The following TENM3 variants were observed in gnomAD, a reference collection of about 807,000 sequenced individuals.
TENM3 encodes teneurin-3.
A neutral mutation model predicts 255.1 loss-of-function variants in TENM3; 63 were observed. The ratio of observed to expected loss-of-function variants is 0.25; its 90% confidence interval spans 0.20 to 0.30. The LOEUF is 0.30. Among genes scored for constraint, TENM3 ranks in the 10% least tolerant of loss-of-function variants. The pLI, the probability that TENM3 is intolerant of heterozygous loss-of-function variation, is 1.00. For missense variants in TENM3, 2,929 were observed against 3,461.1 expected (o/e 0.85, Z 3.86); for synonymous variants, 1,306 against 1,322.3 (o/e 0.99, Z 0.27).
intron 3 of TENM3, among the ~76,000 whole-genome samples, chr4:182,421,905 C>T (rs770087314): frequency 6.6e-6 from 1 of 152,090 alleles, no homozygotes; most frequent in Admixed American, 6.5e-5. Flanking sequence ...GCTCATCATT[C>T]GGGATGACCA....
At chr4:182,000,499 G>T in the TENM3 span, among the ~76,000 whole-genome samples, 4,301 of 152,154 alleles carry the variant, frequency 0.028, 172 homozygotes, top group African/African-American at 0.098. Flanking sequence ...TTATAGGATG[G>T]TCTCTACTTA....
the TENM3 span, among the ~76,000 whole-genome samples, chr4:181,574,537 C>CAA: frequency 2.4e-5 from 2 of 81,960 alleles, no homozygotes; most frequent in Non-Finnish European, 2.5e-5. Context: ...GACTCCGTCT[C>CAA]AAAAAAAAAA....
the TENM3 span, among the ~76,000 whole-genome samples, chr4:182,062,698 C>T: frequency 6.6e-6 from 1 of 152,188 alleles, no homozygotes; most frequent in Admixed American, 6.5e-5. Context: ...TAGACACATT[C>T]TCAGATTAAC....
chr4:181,895,290 G>A, the TENM3 span, among the ~76,000 whole-genome samples: 3 of 151,692 alleles, frequency 2.0e-5, no homozygotes, highest in Non-Finnish European at 4.4e-5. Flanking sequence ...TAGTATTTTC[G>A]CAAATTTAAA....
At chr4:181,927,689 C>T in the TENM3 span, among the ~76,000 whole-genome samples, 2 of 152,324 alleles carry the variant, frequency 1.3e-5, no homozygotes, top group South Asian at 2.1e-4. Flanking sequence ...GACAGACTGA[C>T]TCCTCAAGTG....
the TENM3 span, among the ~76,000 whole-genome samples, chr4:181,856,799 G>A: frequency 1.3e-5 from 2 of 152,118 alleles, no homozygotes; most frequent in Non-Finnish European, 2.9e-5. Context: ...CACACCAGAG[G>A]AGGTCGGCAC....
chr4:182,534,532 G>T (rs540604533), intron 3 of TENM3, among the ~76,000 whole-genome samples: 1 of 152,184 alleles, frequency 6.6e-6, no homozygotes, highest in Non-Finnish European at 1.5e-5. Flanking sequence ...AGTAATGTGT[G>T]TGTACACAGT....
the TENM3 span, among the ~76,000 whole-genome samples, chr4:181,930,938 A>G: frequency 6.6e-6 from 1 of 152,238 alleles, no homozygotes; most frequent in East Asian, 1.9e-4. Context: ...CAATAGATGC[A>G]GAAAAGGCCT....
the TENM3 span, among the ~76,000 whole-genome samples, chr4:181,931,962 A>G: frequency 1.1e-3 from 170 of 152,372 alleles, no homozygotes; most frequent in African/African-American, 3.9e-3. Flanking sequence ...CTGGCTAGCC[A>G]TATGCAGAAA....
At chr4:182,729,557 A>C (rs1274965623) in intron 14 of TENM3, among the ~76,000 whole-genome samples, 5 of 152,196 alleles carry the variant, frequency 3.3e-5, no homozygotes, top group African/African-American at 1.2e-4. Flanking sequence ...ATTATGAATG[A>C]ATGTAATGGA....
chr4:182,555,611 A>G (rs1304012767), intron 3 of TENM3, among the ~76,000 whole-genome samples: 4 of 152,190 alleles, frequency 2.6e-5, no homozygotes, highest in African/African-American at 9.7e-5. Context: ...GCTATTAACT[A>G]AACAGCCTTA....
the TENM3 span, among the ~76,000 whole-genome samples, chr4:181,817,777 C>T: frequency 3.3e-5 from 5 of 152,154 alleles, no homozygotes; most frequent in African/African-American, 7.2e-5. Context: ...CTTCACCAGA[C>T]GCCAACCTGC....
chr4:182,465,178 A>G (rs1732467378), intron 3 of TENM3, among the ~76,000 whole-genome samples: 1 of 152,240 alleles, frequency 6.6e-6, no homozygotes, highest in African/African-American at 2.4e-5. Context: ...GCACAGTAAA[A>G]TAAATATTTG....
chr4:181,557,382 A>G, the TENM3 span, among the ~76,000 whole-genome samples: 2 of 152,162 alleles, frequency 1.3e-5, no homozygotes, highest in African/African-American at 4.8e-5. Flanking sequence ...AAAGTAATAG[A>G]TCCCTTTTCA....
rs1732085559 is a variant in TENM3 at position 182,462,271 on chromosome 4, C to T, written c.511+115342C>T. 2.0e-5 allele frequency among the ~76,000 whole-genome samples: 3 copies of T among 151,972 alleles called. No homozygotes were observed. The South Asian group carries it at 6.2e-4, about 32-fold the overall frequency. On this transcript the variant is annotated intron_variant, in intron 3 of 27. Transcript: ENST00000511685. ...CTGAGTCTCGCTACGTTGCCCAAGG[C>T]TGGTCTCAAACTCCTGGGCTCAAAC...
the TENM3 span, among the ~76,000 whole-genome samples, chr4:182,019,015 C>T: frequency 3.3e-5 from 5 of 152,180 alleles, no homozygotes; most frequent in African/African-American, 1.2e-4. Flanking sequence ...GAAGTTGTAT[C>T]TCAGCAAGGT....
the TENM3 span, among the ~76,000 whole-genome samples, chr4:181,581,385 G>C: frequency 3.3e-5 from 5 of 152,204 alleles, no homozygotes; most frequent in African/African-American, 9.6e-5. Context: ...AGCTTGCAGT[G>C]AGCCGAGATA....
At chr4:181,844,676 AAAAT>A in the TENM3 span, among the ~76,000 whole-genome samples, 6 of 149,300 alleles carry the variant, frequency 4.0e-5, no homozygotes, top group South Asian at 2.1e-4. Context: ...TCAAAAAAAT[AAAAT>A]AAAATAAAAT....
intron 19 of TENM3, among the ~76,000 whole-genome samples, chr4:182,749,592 C>T (rs766382389): frequency 1.2e-4 from 19 of 152,322 alleles, no homozygotes; most frequent in South Asian, 4.1e-4. Context: ...ATCCTCCCAG[C>T]ATCCTGTGAA....
Sources: gnomAD v4.1 joint callset for allele counts (sites outside exome capture counted in the v4.1 genomes callset) on GRCh38, gnomAD v4.1.1 for gene constraint, MANE v1.5 for transcripts, NCBI Gene and HGNC (gene_info 2026-07-23, HGNC 2026-07-21) for gene names.